CCDC122: variants seen among roughly 807,000 people sequenced by gnomAD.
The protein encoded by CCDC122 is coiled-coil domain-containing protein 122.
A neutral mutation model predicts 37.0 loss-of-function variants in CCDC122; 38 were observed. That is an observed-to-expected ratio of 1.03 (90% CI 0.79 to 1.35). The LOEUF (loss-of-function observed/expected upper bound fraction) is 1.35, where lower values mean the gene tolerates loss of function less well. Ranked by LOEUF, CCDC122 falls within the 40% of genes most tolerant of loss-of-function variation. CCDC122 has a pLI of 0.00. For missense variants in CCDC122, 305 were observed against 310.0 expected, an observed-to-expected ratio of 0.98 and a Z score of 0.12; for synonymous variants, 83 against 95.6, an observed-to-expected ratio of 0.87 and a Z score of 0.77.
rs1953182414 is a variant in CCDC122 at position 43,836,887 on chromosome 13, A to T, written c.*393T>A. The T allele has an allele frequency of 6.6e-6, 1 of 152,280 alleles. No homozygotes were observed. Among genetic ancestry groups the T allele is most frequent in the African/African-American group, 2.4e-5 (1 of 41,386 alleles). 9.4% of individuals were successfully genotyped at this position (152,280 alleles called of 1,614,324 possible). A position where few individuals can be genotyped will look rare whatever the true frequency, so the allele number is the denominator to read the frequency against. On this transcript the variant is annotated 3_prime_UTR_variant, in exon 7 of 7. Coordinates refer to ENST00000444614, the MANE Select transcript of CCDC122 (RefSeq NM_144974.5). Reference sequence around the variant, plus strand: ...AAAAAAAAAAAAAAAAGTTCGAAACAGACAAACATTTTAAAAATCTTAACA... The same window carrying T: ...AAAAAAAAAAAAAAAAGTTCGAAACTGACAAACATTTTAAAAATCTTAACA...
In CCDC122 at chr13:43,836,387, A is replaced by C. The variant is rs1953160767; in HGVS notation, c.*893T>G. Reference sequence around the variant, plus strand: ...GTGAACAAAATATTTTATTCATCGTATCACTCAAAATATGTTATTTTATAA... The same window carrying C: ...GTGAACAAAATATTTTATTCATCGTCTCACTCAAAATATGTTATTTTATAA... On this transcript the variant is annotated 3_prime_UTR_variant, in exon 7 of 7. Transcript: ENST00000444614. The C allele has an allele frequency of 6.6e-6, 1 of 152,310 alleles. No individual in the cohort carries two copies. Among genetic ancestry groups the C allele is most frequent in the African/African-American group, 2.4e-5 (1 of 41,464 alleles). The allele number at this position is 152,310 out of a possible 1,614,324, so 9.4% of individuals were successfully genotyped here.
chr13:43,829,545 A>G (rs1399133030), intron 3 of CCDC122, among the ~76,000 whole-genome samples: 2 of 152,054 alleles, frequency 1.3e-5, no homozygotes, highest in Non-Finnish European at 2.9e-5. Context: ...ACCTCAAGTG[A>G]TCTGCCTGCC....
At position 43,858,638 on chromosome 13, in the gene CCDC122, G is replaced by A. The variant is rs1266313361; in HGVS notation, c.672+143C>T. 7.7e-6 allele frequency: 4 copies of A among 520,542 alleles called. No individual in the cohort carries two copies. The Admixed American group carries it at 2.1e-4, about 27-fold the overall frequency. The allele number at this position is 520,542 out of a possible 1,614,324, so 32.2% of individuals were successfully genotyped here. ...GGGTTATCTCTAGTTATCTATTAAT[G>A]ATTTGTATTTACTAAATTTTATAGT... is the stretch of plus-strand genomic sequence containing the variant. On this transcript the variant is annotated intron_variant, in intron 6 of 6. Coordinates refer to ENST00000444614, the MANE Select transcript of CCDC122 (RefSeq NM_144974.5).
chr13:43,840,229 C>T (rs1360549667), intron 6 of CCDC122, among the ~76,000 whole-genome samples: 1 of 152,132 alleles, frequency 6.6e-6, no homozygotes, highest in Non-Finnish European at 1.5e-5. Context: ...TAACACCATG[C>T]TTGTGGAAGT....
chr13:43,866,435 A>G (rs190791356), intron 4 of CCDC122, among the ~76,000 whole-genome samples: 34 of 152,308 alleles, frequency 2.2e-4, no homozygotes, highest in Admixed American at 5.2e-4. Flanking sequence ...AAATTTCCAT[A>G]TGACTTTTAG....
chr13:43,877,676 T>C (rs974757368), intron 1 of CCDC122: 3 of 152,214 alleles, frequency 2.0e-5, no homozygotes, highest in Admixed American at 6.5e-5. Context: ...TTTTGCTAAG[T>C]AGAGGAACTG....
chr13:43,845,432 T>C (rs1297069814), intron 6 of CCDC122, among the ~76,000 whole-genome samples: 1 of 152,204 alleles, frequency 6.6e-6, no homozygotes, highest in Non-Finnish European at 1.5e-5. Context: ...TCCTTTAGGC[T>C]GGACATAGTG....
chr13:43,838,662 C>G (rs1953244480), intron 6 of CCDC122, among the ~76,000 whole-genome samples: 1 of 152,110 alleles, frequency 6.6e-6, no homozygotes, highest in Non-Finnish European at 1.5e-5. Context: ...GTTTCCCAAA[C>G]AAGGCTTTTA....
At chr13:43,828,553 GAT>G (rs1353256826) in intron 3 of CCDC122, among the ~76,000 whole-genome samples, 8 of 76,768 alleles carry the variant, frequency 1.0e-4, no homozygotes, top group African/African-American at 4.4e-4. Context: ...TTTATAGACA[GAT>G]ACACACACAC....
intron 6 of CCDC122, 94 bp from the exon 7 acceptor site, chr13:43,837,523 CTTAA>C: frequency 9.3e-7 from 1 of 1,070,024 alleles, no homozygotes; most frequent in Non-Finnish European, 1.3e-6. Flanking sequence ...GAGGGAAGCA[CTTAA>C]TTAGAAACTA....
chr13:43,853,626 C>A (rs1219864038), intron 6 of CCDC122, among the ~76,000 whole-genome samples: 1 of 152,218 alleles, frequency 6.6e-6, no homozygotes, highest in African/African-American at 2.4e-5. Flanking sequence ...GAACTCAACA[C>A]TGGATCAAAA....
intron 2 of CCDC122, among the ~76,000 whole-genome samples, chr13:43,871,101 T>C (rs1468635334): frequency 2.0e-5 from 3 of 152,116 alleles, no homozygotes; most frequent in South Asian, 4.1e-4. Context: ...TGGTTGAAAA[T>C]ACTCATGGAT....
downstream of CCDC122, among the ~76,000 whole-genome samples, chr13:43,834,019 T>C (rs1389504183): frequency 6.6e-6 from 1 of 152,202 alleles, no homozygotes; most frequent in Non-Finnish European, 1.5e-5. Context: ...ATCCACTAAA[T>C]CATCAGGCTT....
chr13:43,862,817 C>T lies in CCDC122; in HGVS notation c.157-2747G>A, dbSNP rs539237716. 1.8e-4 allele frequency among the ~76,000 whole-genome samples: 28 copies of T among 152,248 alleles called. No individual in the cohort carries two copies. In the South Asian group the frequency reaches 3.7e-3, roughly 20 times the overall value. ...TTGACCCATACAATTTGGTTATCAT[C>T]TCTTCTCTTTCTTGGACTAATGTAA... On this transcript the variant is annotated intron_variant, in intron 4 of 6. Coordinates refer to ENST00000444614, the MANE Select transcript of CCDC122 (RefSeq NM_144974.5).
chr13:43,852,038 G>T (rs1953754267), intron 6 of CCDC122, among the ~76,000 whole-genome samples: 2 of 151,806 alleles, frequency 1.3e-5, no homozygotes, highest in Non-Finnish European at 1.5e-5. Context: ...AGATGAGGAA[G>T]AACCAGCACA....
chr13:43,822,917 G>T (rs1953005711), downstream of CCDC122, among the ~76,000 whole-genome samples: 2 of 152,142 alleles, frequency 1.3e-5, no homozygotes, highest in Non-Finnish European at 2.9e-5. Flanking sequence ...GACCCCAAGG[G>T]TCTGCTGGTG....
chr13:43,860,569 C>T (rs963308902), intron 4 of CCDC122, among the ~76,000 whole-genome samples: 30 of 147,792 alleles, frequency 2.0e-4, no homozygotes, highest in Admixed American at 2.0e-3. Context: ...ACTTTGCCTC[C>T]CTGGGGCATT....
downstream of CCDC122, among the ~76,000 whole-genome samples, chr13:43,821,933 A>G (rs1952996031): frequency 6.6e-6 from 1 of 152,124 alleles, no homozygotes; most frequent in African/African-American, 2.4e-5. Flanking sequence ...CAACACAGCT[A>G]TTTTGAGTTT....
At chr13:43,834,950 C>A (rs1015447406), downstream of CCDC122, among the ~76,000 whole-genome samples, 5 of 152,074 alleles carry the variant, frequency 3.3e-5, no homozygotes, top group African/African-American at 1.2e-4. Context: ...CCCAGCCATC[C>A]CATTACTGGG....
Sources: gnomAD v4.1 joint callset for allele counts (sites outside exome capture counted in the v4.1 genomes callset) on GRCh38, gnomAD v4.1.1 for gene constraint, MANE v1.5 for transcripts, NCBI Gene and HGNC (gene_info 2026-07-23, HGNC 2026-07-21) for gene names.